BNC2: variants seen among roughly 807,000 people sequenced by gnomAD.
BNC2 encodes zinc finger protein basonuclin-2.
Under a neutral mutation model 76.3 loss-of-function variants are expected in BNC2, and 20 were observed. That is an observed-to-expected ratio of 0.26 (90% CI 0.18 to 0.38). BNC2 has a LOEUF of 0.38. Ranked by LOEUF, BNC2 falls within the 10% of genes least tolerant of loss-of-function variation. The probability of loss-of-function intolerance (pLI) is 1.00; values close to 1 mark genes in which losing one functional copy is unlikely to be tolerated. For synonymous variants in BNC2, 582 were observed against 514.8 expected, an observed-to-expected ratio of 1.13 and a Z score of -1.77; for missense variants, 1,382 against 1,399.8, an observed-to-expected ratio of 0.99 and a Z score of 0.20.
intron 5 of BNC2, among the ~76,000 whole-genome samples, chr9:16,538,664 G>A (rs992333459): frequency 6.6e-6 from 1 of 152,076 alleles, no homozygotes; most frequent in African/African-American, 2.4e-5. Flanking sequence ...TTCCATAATG[G>A]ACAGCAAAAT....
intron 5 of BNC2, among the ~76,000 whole-genome samples, chr9:16,476,761 T>C (rs892843541): frequency 3.3e-5 from 5 of 152,150 alleles, no homozygotes; most frequent in African/African-American, 1.2e-4. Flanking sequence ...TGTGATCCAA[T>C]GGTCTTCCTA....
chr9:16,660,981 C>A (rs1406901187), intron 3 of BNC2, among the ~76,000 whole-genome samples: 2 of 152,292 alleles, frequency 1.3e-5, no homozygotes, highest in Non-Finnish European at 2.9e-5. Context: ...GGAACCAATT[C>A]TCTACAGATA....
intron 5 of BNC2, among the ~76,000 whole-genome samples, chr9:16,481,272 A>G (rs1304235680): frequency 6.6e-6 from 1 of 152,130 alleles, no homozygotes; most frequent in East Asian, 1.9e-4. Flanking sequence ...GTGGGGCCAC[A>G]TAAGAGAATA....
At chr9:16,802,376 T>G (rs1817806891) in intron 1 of BNC2, among the ~76,000 whole-genome samples, 1 of 152,212 alleles carries the variant, frequency 6.6e-6, no homozygotes, top group African/African-American at 2.4e-5. Flanking sequence ...ATCTGACACT[T>G]GCAATGCAGC....
intron 5 of BNC2, among the ~76,000 whole-genome samples, chr9:16,495,523 G>A (rs763019592): frequency 2.6e-5 from 4 of 152,288 alleles, no homozygotes; most frequent in South Asian, 2.1e-4. Flanking sequence ...ATTTGGGTCC[G>A]GTCCTTCTGG....
At chr9:16,537,340 G>A (rs1253923980) in intron 5 of BNC2, among the ~76,000 whole-genome samples, 1 of 151,916 alleles carries the variant, frequency 6.6e-6, no homozygotes, top group East Asian at 1.9e-4. Context: ...AGTATTATTT[G>A]AAAAATCTTT....
At position 16,767,745 on chromosome 9, in the gene BNC2, G is replaced by A. The variant is rs978080508; in HGVS notation, c.4-29260C>T. Among the ~76,000 whole-genome samples, 5 of 152,212 alleles carry A rather than the reference G, an allele frequency of 3.3e-5. No homozygotes were observed. In the South Asian group the frequency reaches 1.0e-3, roughly 32 times the overall value. ...ACGTAAACAGTATAATAGCCCCTCT[G>A]TGAGTCTCACTACCTAACTTCAACA... On this transcript the variant is annotated intron_variant, in intron 1 of 6. Coordinates refer to ENST00000380672, the MANE Select transcript of BNC2 (RefSeq NM_017637.6).
intron 1 of BNC2, among the ~76,000 whole-genome samples, chr9:16,778,202 A>G (rs1586875972): frequency 6.6e-6 from 1 of 152,240 alleles, no homozygotes; most frequent in Non-Finnish European, 1.5e-5. Context: ...AAATACTACA[A>G]TTACTCTCAT....
chr9:16,863,911 C>G (rs1393604789), intron 1 of BNC2, among the ~76,000 whole-genome samples: 1 of 152,002 alleles, frequency 6.6e-6, no homozygotes, highest in Non-Finnish European at 1.5e-5. Flanking sequence ...AAAAACGGTT[C>G]TCCTAGTTTA....
intron 6 of BNC2, among the ~76,000 whole-genome samples, chr9:16,425,615 G>A (rs1046725566): frequency 2.6e-5 from 4 of 152,162 alleles, no homozygotes; most frequent in Admixed American, 1.3e-4. Flanking sequence ...TAAATGAATC[G>A]TAATATGCTA....
intron 1 of BNC2, among the ~76,000 whole-genome samples, chr9:16,761,512 TCAAA>T (rs1280076452): frequency 6.6e-6 from 1 of 152,218 alleles, no homozygotes; most frequent in African/African-American, 2.4e-5. Flanking sequence ...CTAAGATTTT[TCAAA>T]CAAACAAATC....
At chr9:16,542,163 A>T (rs981559357) in intron 5 of BNC2, among the ~76,000 whole-genome samples, 4 of 152,208 alleles carry the variant, frequency 2.6e-5, no homozygotes, top group Non-Finnish European at 4.4e-5. Flanking sequence ...ACATTTCCTT[A>T]CAGAGAGAAC....
At chr9:16,493,606 A>G (rs917234273) in intron 5 of BNC2, among the ~76,000 whole-genome samples, 24 of 152,302 alleles carry the variant, frequency 1.6e-4, no homozygotes, top group African/African-American at 5.8e-4. Context: ...ATACTGTGCT[A>G]TGTGCAGACT....
intron 5 of BNC2, among the ~76,000 whole-genome samples, chr9:16,536,783 A>G (rs1818143032): frequency 6.6e-6 from 1 of 152,166 alleles, no homozygotes; most frequent in Non-Finnish European, 1.5e-5. Flanking sequence ...GGAAGGAAAT[A>G]AGAGAAAATT....
At chr9:16,529,874 A>G (rs1817923132) in intron 5 of BNC2, among the ~76,000 whole-genome samples, 1 of 152,110 alleles carries the variant, frequency 6.6e-6, no homozygotes, top group South Asian at 2.1e-4. Flanking sequence ...TATGAGATGG[A>G]GTCTCACTCT....
At chr9:16,422,136 T>C (rs1820723547) in intron 6 of BNC2, among the ~76,000 whole-genome samples, 2 of 152,176 alleles carry the variant, frequency 1.3e-5, no homozygotes, top group Non-Finnish European at 2.9e-5. Context: ...TCCACCAATA[T>C]GTTACCAGAA....
At chr9:16,542,032 T>TTAAAA (rs1818337168) in intron 5 of BNC2, among the ~76,000 whole-genome samples, 4 of 152,112 alleles carry the variant, frequency 2.6e-5, no homozygotes, top group South Asian at 4.2e-4. Flanking sequence ...GAAAAGCACA[T>TTAAAA]TAAAATAAAA....
At chr9:16,597,024 AC>A (rs1367021673) in intron 3 of BNC2, among the ~76,000 whole-genome samples, 5 of 152,154 alleles carry the variant, frequency 3.3e-5, no homozygotes, top group African/African-American at 1.2e-4. Flanking sequence ...CATAGGAACA[AC>A]AAAAAGAAAT....
At chr9:16,664,151 G>T (rs1822195674) in intron 3 of BNC2, among the ~76,000 whole-genome samples, 1 of 152,058 alleles carries the variant, frequency 6.6e-6, no homozygotes, top group South Asian at 2.1e-4. Context: ...TGACACTCTG[G>T]ACTTGTGACA....
Sources: allele counts gnomAD v4.1 joint callset (sites outside exome capture counted in the v4.1 genomes callset), GRCh38; gene constraint gnomAD v4.1.1; transcripts MANE v1.5; gene names NCBI Gene and HGNC (gene_info 2026-07-23, HGNC 2026-07-21).